Variants in CS observed in about 807,000 individuals in gnomAD.
CS encodes citrate synthase.
Under a neutral mutation model 61.4 loss-of-function variants are expected in CS, and 13 were observed. The ratio of observed to expected loss-of-function variants is 0.21; its 90% CI spans 0.14 to 0.34. The LOEUF (loss-of-function observed/expected upper bound fraction) is 0.34, where lower values mean the gene tolerates loss of function less well. Among genes scored for constraint, CS ranks in the 10% least tolerant of loss-of-function variants. The pLI, the probability that CS is intolerant of heterozygous loss-of-function variation, is 1.00. For synonymous variants in CS, 159 were observed against 215.2 expected (o/e 0.74, Z 2.29); for missense variants, 278 against 573.4 (o/e 0.48, Z 5.26).
intron 7 of CS, 98 bp from the exon 8 acceptor site, chr12:56,275,229 G>C (rs1872597632): frequency 7.0e-7 from 1 of 1,422,098 alleles, no homozygotes; most frequent in African/African-American, 1.4e-5. Context: ...GCCTAGTTAT[G>C]GGCTCATGCC....
intron 1 of CS, chr12:56,299,806 A>C (rs370955243): frequency 1.2e-3 from 314 of 258,772 alleles, no homozygotes; most frequent in Non-Finnish European, 1.7e-3. Flanking sequence ...CTCCAGTGGA[A>C]CACCACATCT....
intron 10 of CS, 73 bp downstream of exon 10, chr12:56,273,514 T>G (rs744051): frequency 2.1e-6 from 3 of 1,452,892 alleles, no homozygotes; most frequent in Non-Finnish European, 2.9e-6. Flanking sequence ...TAGGAGTTAA[T>G]TGACTTTGTG....
At position 56,298,219 on chromosome 12, in the gene CS, A is replaced by T. The variant is rs573110680; in HGVS notation, c.42+1941T>A. Reference sequence around the variant, plus strand: ...CTCCATGTTGGTCAGGCTGGTCTCAAATTCCCGACCTCAGGTGATCCACCC... The same window carrying T: ...CTCCATGTTGGTCAGGCTGGTCTCATATTCCCGACCTCAGGTGATCCACCC... On this transcript the variant is annotated intron_variant, in intron 1 of 10. Transcript: ENST00000351328. 2.2e-3 allele frequency among the ~76,000 whole-genome samples: 338 copies of T among 152,120 alleles called. 1 individual carries two copies. The highest frequency in any genetic ancestry group is 3.5e-3 in the Non-Finnish European group (236 of 68,002).
chr12:56,300,120 C>T (rs1471672431), intron 1 of CS, 40 bp downstream of exon 1: 4 of 1,547,990 alleles, frequency 2.6e-6, no homozygotes, highest in Non-Finnish European at 3.5e-6. Flanking sequence ...TCGCCTCAGC[C>T]CCACCCTGGG....
intron 6 of CS, among the ~76,000 whole-genome samples, chr12:56,280,987 A>C (rs1294535934): frequency 6.6e-6 from 1 of 152,186 alleles, no homozygotes; most frequent in Non-Finnish European, 1.5e-5. Context: ...AGTTGGTGCC[A>C]AATTAATATT....
chr12:56,299,352 G>C (rs924025610), intron 1 of CS, among the ~76,000 whole-genome samples: 7 of 152,216 alleles, frequency 4.6e-5, no homozygotes, highest in Admixed American at 3.9e-4. Flanking sequence ...CAAAGAAGGA[G>C]AGAAAGTTCC....
chr12:56,275,454 T>C (rs919008072), intron 7 of CS: 2 of 264,342 alleles, frequency 7.6e-6, no homozygotes, highest in Non-Finnish European at 7.4e-6. Context: ...ACATCTGTAG[T>C]CCTAGCTACT....
At chr12:56,288,655 T>C (rs529713525) in intron 1 of CS, among the ~76,000 whole-genome samples, 4 of 151,902 alleles carry the variant, frequency 2.6e-5, no homozygotes, top group African/African-American at 9.7e-5. Context: ...AGAGGAGGAA[T>C]GAAAAGAGGC....
chr12:56,280,649 G>C (rs1872754700), intron 6 of CS, among the ~76,000 whole-genome samples: 1 of 151,630 alleles, frequency 6.6e-6, no homozygotes, highest in Non-Finnish European at 1.5e-5. Context: ...AATAAAAATG[G>C]CTGGGCACGG....
At position 56,280,124 on chromosome 12, in the gene CS, A is replaced by G. The variant is rs576158004; in HGVS notation, c.588+2296T>C. On this transcript the variant is annotated intron_variant, in intron 6 of 10. Coordinates refer to ENST00000351328, the MANE Select transcript of CS (RefSeq NM_004077.3). ...CTAGCCAACATGGTGAAACTCTATT[A>G]AAAAGACAAGGCCAGGCGTGGTGGC... Among the ~76,000 whole-genome samples the G allele has an allele frequency of 2.6e-5, 4 of 151,756 alleles. No individual in the cohort carries two copies. In the South Asian group the frequency reaches 8.3e-4, roughly 32 times the overall value.
At chr12:56,274,304 A>G (rs1017691448) in intron 9 of CS, 1 of 151,166 alleles carries the variant, frequency 6.6e-6, no homozygotes, top group Non-Finnish European at 1.4e-5. Flanking sequence ...CTGGGCAACA[A>G]GAGCAAGACT....
chr12:56,282,999 G>A lies in CS; in HGVS notation c.268-8C>T, dbSNP rs1410832798. On this transcript the variant is annotated splice_polypyrimidine_tract_variant and splice_region_variant and intron_variant, in intron 4 of 10. Coordinates refer to ENST00000351328, the MANE Select transcript of CS (RefSeq NM_004077.3). ...GCCTCGGAAACGGATGCCCTTGAGAGAGGAGAGAGAGAATTACAACTCAAG... is the reference window on the plus strand; with the variant it reads ...GCCTCGGAAACGGATGCCCTTGAGAAAGGAGAGAGAGAATTACAACTCAAG... The A allele has an allele frequency of 4.3e-6, 7 of 1,614,002 alleles. No homozygotes were observed. Among genetic ancestry groups the A allele is most frequent in the Non-Finnish European group, 5.9e-6 (7 of 1,179,946 alleles).
At chr12:56,288,121 A>C (rs1453856412) in intron 1 of CS, among the ~76,000 whole-genome samples, 1 of 152,120 alleles carries the variant, frequency 6.6e-6, no homozygotes, top group Non-Finnish European at 1.5e-5. Context: ...CTCACCACAC[A>C]CCTCACAGAA....
chr12:56,280,189 G>A (rs1872733950), intron 6 of CS, among the ~76,000 whole-genome samples: 1 of 152,022 alleles, frequency 6.6e-6, no homozygotes, highest in South Asian at 2.1e-4. Context: ...GCCGAGGTGG[G>A]CAGATCACGA....
chr12:56,286,477 C>A, intron 2 of CS, 118 bp downstream of exon 2: 1 of 756,214 alleles, frequency 1.3e-6, no homozygotes, highest in Non-Finnish European at 2.3e-6. Context: ...ACAATAGTAA[C>A]AAACACTTCC....
At chr12:56,281,549 G>T (rs1872776050) in intron 6 of CS, among the ~76,000 whole-genome samples, 1 of 152,176 alleles carries the variant, frequency 6.6e-6, no homozygotes, top group Non-Finnish European at 1.5e-5. Flanking sequence ...CAACTTGTAA[G>T]ATTTCTCAAA....
At chr12:56,274,525 G>C (rs1872584517) in intron 9 of CS, 1 of 359,166 alleles carries the variant, frequency 2.8e-6, no homozygotes, top group East Asian at 5.2e-5. Context: ...ATTCACAGGA[G>C]TGATCTTAGC....
intron 1 of CS, among the ~76,000 whole-genome samples, chr12:56,289,872 G>A (rs998626441): frequency 3.3e-5 from 5 of 152,120 alleles, no homozygotes; most frequent in African/African-American, 1.2e-4. Flanking sequence ...TTACCGGCAT[G>A]AGCCACTGCA....
intron 6 of CS, among the ~76,000 whole-genome samples, chr12:56,277,202 T>C (rs1461408333): frequency 7.2e-6 from 1 of 138,754 alleles, no homozygotes; most frequent in African/African-American, 2.8e-5. Context: ...AGACTCTGTC[T>C]AAAAAAAAAA....
Sources: gnomAD v4.1 joint callset for allele counts (sites outside exome capture counted in the v4.1 genomes callset) on GRCh38, gnomAD v4.1.1 for gene constraint, MANE v1.5 for transcripts, NCBI Gene and HGNC (gene_info 2026-07-23, HGNC 2026-07-21) for gene names.